The following SOX5 variants were observed in gnomAD, a reference collection of about 807,000 sequenced individuals.
SOX5 encodes the protein SRY-box transcription factor 5, also known as transcription factor SOX-5.
Under a neutral mutation model 92.0 loss-of-function variants are expected in SOX5, and 9 were observed. The ratio of observed to expected loss-of-function variants is 0.10; its 90% confidence interval spans 0.06 to 0.17. SOX5 has a LOEUF of 0.17. Among genes scored for constraint, SOX5 ranks in the 10% least tolerant of loss-of-function variants. The pLI is 1.00. For synonymous variants in SOX5, 344 were observed against 336.3 expected (o/e 1.02, Z -0.25); for missense variants, 642 against 944.5 (o/e 0.68, Z 4.20).
At chr12:23,670,544 G>A (rs1221688760) in intron 6 of SOX5, among the ~76,000 whole-genome samples, 1 of 152,108 alleles carries the variant, frequency 6.6e-6, no homozygotes, top group African/African-American at 2.4e-5. Context: ...ACAAGGCAGA[G>A]GTGGAGCAAT....
At chr12:24,240,288 C>CT (rs1965320548) in intron 3 of SOX5, among the ~76,000 whole-genome samples, 1 of 152,176 alleles carries the variant, frequency 6.6e-6, no homozygotes, top group African/African-American at 2.4e-5. Flanking sequence ...TAGGACCTCT[C>CT]TACTCTGTCT....
chr12:23,819,094 C>G (rs943853677), intron 3 of SOX5, among the ~76,000 whole-genome samples: 10 of 152,146 alleles, frequency 6.6e-5, no homozygotes, highest in Admixed American at 2.0e-4. Flanking sequence ...AGTAACATAG[C>G]TGTTTATTAT....
At chr12:24,056,111 T>C (rs1958071226) in intron 4 of SOX5, among the ~76,000 whole-genome samples, 1 of 152,180 alleles carries the variant, frequency 6.6e-6, no homozygotes, top group African/African-American at 2.4e-5. Flanking sequence ...CAAGTACTAG[T>C]GTATGAGCCA....
At chr12:24,146,039 T>C (rs568864401) in intron 4 of SOX5, among the ~76,000 whole-genome samples, 1 of 152,164 alleles carries the variant, frequency 6.6e-6, no homozygotes, top group Non-Finnish European at 1.5e-5. Context: ...TCCACAATTA[T>C]AGTCACAGAT....
At chr12:23,840,538 AAAAGTAG>A (rs2096499381) in intron 3 of SOX5, among the ~76,000 whole-genome samples, 1 of 152,170 alleles carries the variant, frequency 6.6e-6, no homozygotes, top group South Asian at 2.1e-4. Context: ...ATGTTGAAGA[AAAAGTAG>A]AAAGTTGGAG....
chr12:23,888,101 C>A (rs144463683), intron 2 of SOX5, among the ~76,000 whole-genome samples: 21 of 152,222 alleles, frequency 1.4e-4, no homozygotes, highest in African/African-American at 4.6e-4. Context: ...TTTTGTGCTT[C>A]TCTTACCTTC....
At chr12:23,863,418 A>T (rs535188251) in intron 2 of SOX5, among the ~76,000 whole-genome samples, 67 of 152,310 alleles carry the variant, frequency 4.4e-4, no homozygotes, top group South Asian at 1.0e-3. Flanking sequence ...ATGCTTTTAC[A>T]CACAGAGAAA....
chr12:24,337,568 G>C (rs1191653776), intron 2 of SOX5, among the ~76,000 whole-genome samples: 2 of 152,020 alleles, frequency 1.3e-5, no homozygotes, highest in African/African-American at 2.4e-5. Flanking sequence ...TTGAACTCCT[G>C]ACTTAAGGTG....
At chr12:24,348,443 C>T (rs511531) in intron 2 of SOX5, among the ~76,000 whole-genome samples, 50,831 of 151,532 alleles carry the variant, frequency 0.34, 9,819 homozygotes, top group East Asian at 0.78. Context: ...AGAGCAGTGG[C>T]GTGATCTTGG....
intron 11 of SOX5, among the ~76,000 whole-genome samples, chr12:23,560,257 A>G (rs1945972712): frequency 6.6e-6 from 1 of 152,164 alleles, no homozygotes; most frequent in South Asian, 2.1e-4. Context: ...TTTGGGATTC[A>G]AGTGATATAA....
chr12:23,579,660 A>C (rs141006225), intron 9 of SOX5, among the ~76,000 whole-genome samples: 1 of 152,234 alleles, frequency 6.6e-6, no homozygotes, highest in East Asian at 1.9e-4. Context: ...TGTGCAATAA[A>C]AGCTGAAGGT....
chr12:23,928,614 C>T (rs1283985512), intron 1 of SOX5, among the ~76,000 whole-genome samples: 4 of 151,744 alleles, frequency 2.6e-5, no homozygotes, highest in African/African-American at 9.7e-5. Context: ...AATAAAAGCA[C>T]TTTTCCTTAA....
In SOX5 at chr12:24,393,834, C is replaced by CGT. The variant is rs1307231411; in HGVS notation, c.-250-25196_-250-25195insAC. On this transcript the variant is annotated intron_variant, in intron 1 of 4. Transcript: ENST00000446891. This position sits in a 1 kb window ranked among gnomAD's most constrained non-coding sequence, Gnocchi z 5.0. ...TACATATGCAATACAACACATACCT[C>CGT]TTTCTTCAAAAGTTTAAAAGAGAAT... Among the ~76,000 whole-genome samples, 1 of 152,156 alleles carries CGT rather than the reference C, an allele frequency of 6.6e-6. No homozygotes were observed. The highest frequency in any genetic ancestry group is 1.5e-5 in the Non-Finnish European group (1 of 68,018).
chr12:23,812,515 T>A (rs2095894611), intron 3 of SOX5, among the ~76,000 whole-genome samples: 1 of 152,084 alleles, frequency 6.6e-6, no homozygotes, highest in South Asian at 2.1e-4. Flanking sequence ...AAGGACAATC[T>A]GTTATATGGT....
intron 10 of SOX5, among the ~76,000 whole-genome samples, chr12:23,573,586 T>C (rs934085570): frequency 6.6e-6 from 1 of 152,192 alleles, no homozygotes; most frequent in Non-Finnish European, 1.5e-5. Context: ...GTTTTGCATC[T>C]AAAAAAAGTG....
intron 6 of SOX5, among the ~76,000 whole-genome samples, chr12:23,674,806 T>A (rs2085396502): frequency 6.6e-6 from 1 of 151,806 alleles, no homozygotes; most frequent in Non-Finnish European, 1.5e-5. Flanking sequence ...TACTACTATA[T>A]ATACTACTAT....
chr12:23,694,693 C>A lies in SOX5; in HGVS notation c.811-29129G>T, dbSNP rs2140099519. Among the ~76,000 whole-genome samples the A allele has an allele frequency of 1.3e-5, 2 of 152,218 alleles. 1 individual carries two copies. The highest frequency in any genetic ancestry group is 4.2e-4 in the South Asian group (2 of 4,814). On this transcript the variant is annotated intron_variant, in intron 6 of 14. Coordinates refer to ENST00000451604, the MANE Select transcript of SOX5 (RefSeq NM_006940.6). ...ACCCTGTACTCATTTTGAAGTAATTCCCTTCTACTTATTCCACAACAACAA... is the reference window on the plus strand; with the variant it reads ...ACCCTGTACTCATTTTGAAGTAATTACCTTCTACTTATTCCACAACAACAA...
intron 4 of SOX5, among the ~76,000 whole-genome samples, chr12:24,123,182 T>C (rs1162153114): frequency 6.6e-6 from 1 of 152,234 alleles, no homozygotes; most frequent in Admixed American, 6.5e-5. Flanking sequence ...TCCTATTCAC[T>C]AGCATCTGAG....
intron 3 of SOX5, among the ~76,000 whole-genome samples, chr12:23,803,658 T>C (rs546739980): frequency 6.6e-6 from 1 of 152,318 alleles, no homozygotes; most frequent in South Asian, 2.1e-4. Context: ...CCTCCAGAAA[T>C]TTATAGTCTA....
Sources: allele counts gnomAD v4.1 joint callset (sites outside exome capture counted in the v4.1 genomes callset), GRCh38; gene constraint gnomAD v4.1.1; non-coding constraint Gnocchi (gnomAD v3.1); transcripts MANE v1.5; gene names NCBI Gene and HGNC (gene_info 2026-07-23, HGNC 2026-07-21).